HPS3: variants seen among roughly 807,000 people sequenced by gnomAD.
HPS3 encodes HPS3 biogenesis of lysosomal organelles complex 2 subunit 1, also known as BLOC-2 complex member HPS3.
In HPS3, 79 loss-of-function variants were observed where a neutral mutation model predicts 110.9. That is an observed-to-expected ratio of 0.71 (90% CI 0.59 to 0.86). HPS3 has a LOEUF of 0.86. Among genes scored for constraint, HPS3 ranks in the 40% least tolerant of loss-of-function variants. The pLI, the probability that HPS3 is intolerant of heterozygous loss-of-function variation, is 0.00. For synonymous variants in HPS3, 428 were observed against 451.0 expected (o/e 0.95, Z 0.65); for missense variants, 1,197 against 1,206.2 (o/e 0.99, Z 0.11).
intron 8 of HPS3, among the ~76,000 whole-genome samples, chr3:149,156,935 A>G (rs183110911): frequency 1.3e-5 from 2 of 152,322 alleles, no homozygotes; most frequent in African/African-American, 4.8e-5. Flanking sequence ...AAACTTACCA[A>G]TCAAAACTAA....
intron 4 of HPS3, among the ~76,000 whole-genome samples, chr3:149,142,975 A>C (rs1046390582): frequency 9.8e-5 from 15 of 152,292 alleles, no homozygotes; most frequent in African/African-American, 3.6e-4. Context: ...AGGGGAAGAG[A>C]GCCTTCCAGG....
At position 149,160,125 on chromosome 3, in the gene HPS3, T is replaced by C. The variant is rs1723697697; in HGVS notation, c.1952T>C (p.Met651Thr). ...CCCCATATTCTCTGTAGTCCTTCTA[T>C]GAAGAATATTAATCCTTTAACTGCC... ...QVPHILCSPS[M>T]KNINPLTAMS... The change falls in exon 11 of 17, where the codon ATG becomes ACG. Residue 651 changes from methionine to threonine, a missense_variant. Transcript: ENST00000296051. 1.2e-6 allele frequency: 2 copies of C among 1,613,900 alleles called. No individual in the cohort carries two copies. Among genetic ancestry groups the C allele is most frequent in the Admixed American group, 1.7e-5 (1 of 59,996 alleles).
At chr3:149,157,764 A>G (rs1386738160) in intron 9 of HPS3, among the ~76,000 whole-genome samples, 1 of 152,234 alleles carries the variant, frequency 6.6e-6, no homozygotes, top group Non-Finnish European at 1.5e-5. Flanking sequence ...TTAGAAGATG[A>G]GCAGTAAGTC....
chr3:149,138,705 A>G (rs938112969), intron 1 of HPS3, among the ~76,000 whole-genome samples: 4 of 152,238 alleles, frequency 2.6e-5, no homozygotes, highest in African/African-American at 4.8e-5. Flanking sequence ...CTACAGTGTC[A>G]TGATAAGAAA....
In HPS3 at chr3:149,141,095, A is replaced by G; in HGVS notation, c.791A>G (p.Lys264Arg). 1 of 1,613,996 alleles carries G rather than the reference A, an allele frequency of 6.2e-7. No individual in the cohort carries two copies. The highest frequency in any genetic ancestry group is 1.1e-5 in the South Asian group (1 of 91,074). ...CQKPLELLGE[K>R]SEQSGLSVTL... ...AAGCCCCTGGAACTTCTTGGTGAAA[A>G]AAGTGAACAGTCTGGATTATCTGTT... Residue 264 changes from lysine to arginine, a missense_variant, in exon 3 of 17, where the codon AAA becomes AGA. Physicochemically the swap from Lys to Arg is conservative, Grantham distance 26 (BLOSUM62 2). Transcript: ENST00000296051.
intron 10 of HPS3, among the ~76,000 whole-genome samples, chr3:149,159,263 A>T (rs906293184): frequency 6.6e-6 from 1 of 152,308 alleles, no homozygotes; most frequent in South Asian, 2.1e-4. Flanking sequence ...TAAAGACATT[A>T]TTAAGGATTA....
rs878859833 is a variant in HPS3, at chr3:149,172,012, G to T, written c.2888-83G>T. Reference sequence around the variant, plus strand: ...GAGCCACCACGCCTGGCCTGAACTGGCTTCTAATTGGTTGGTTAAGTAAGA... The same window carrying T: ...GAGCCACCACGCCTGGCCTGAACTGTCTTCTAATTGGTTGGTTAAGTAAGA... On this transcript the variant is annotated intron_variant, in intron 16 of 16. Coordinates refer to ENST00000296051, the MANE Select transcript of HPS3 (RefSeq NM_032383.5). 191 of 1,423,180 alleles carry T rather than the reference G, an allele frequency of 1.3e-4. No individual in the cohort carries two copies. In the South Asian group the frequency reaches 2.1e-3, roughly 16 times the overall value. The allele number at this position is 1,423,180 out of a possible 1,614,324, so 88.2% of individuals were successfully genotyped here.
chr3:149,144,152 G>A (rs1722645791), intron 4 of HPS3, among the ~76,000 whole-genome samples: 1 of 151,924 alleles, frequency 6.6e-6, no homozygotes, highest in South Asian at 2.1e-4. Flanking sequence ...TGAGGTGGGT[G>A]GATCACAAGG....
chr3:149,145,609 C>T, intron 5 of HPS3, 63 bp downstream of exon 5: 1 of 1,229,474 alleles, frequency 8.1e-7, no homozygotes, highest in Non-Finnish European at 1.2e-6. Flanking sequence ...TGAGGTACTT[C>T]CTAAATCTGT....
Position 149,153,641 on chromosome 3 carries a change from A to G in HPS3, c.1393A>G (p.Arg465Gly). The change falls in exon 7 of 17, where the codon AGG (arginine) becomes GGG (glycine). Residue 465 changes from arginine (R) to glycine (G), a missense_variant. Physicochemically the swap from Arg to Gly is moderately radical, Grantham distance 125 (BLOSUM62 -2). Coordinates refer to ENST00000296051, the MANE Select transcript of HPS3 (RefSeq NM_032383.5). ...TCCAGAGAGAAGACAGTCACCCAAG[A>G]GGCTTCTGTAAGCATCCCCTTGCCC... ...AIPERRQSPK[R>G]LLSRKDTSVK... The G allele has an allele frequency of 6.2e-7, 1 of 1,614,216 alleles. No homozygotes were observed. The highest frequency in any genetic ancestry group is 8.5e-7 in the Non-Finnish European group (1 of 1,180,016).
At chr3:149,156,125 C>T (rs1023013222) in intron 8 of HPS3, among the ~76,000 whole-genome samples, 7 of 152,164 alleles carry the variant, frequency 4.6e-5, no homozygotes, top group Admixed American at 4.6e-4. Flanking sequence ...CTATTTGCTT[C>T]TCTCTCTCTT....
At chr3:149,143,055 A>G (rs1307092296) in intron 4 of HPS3, among the ~76,000 whole-genome samples, 1 of 152,174 alleles carries the variant, frequency 6.6e-6, no homozygotes, top group African/African-American at 2.4e-5. Context: ...AGCAAAACTA[A>G]GGGGGCTGCA....
Position 149,162,840 on chromosome 3 carries a change from C to T in HPS3, c.2443C>T (p.Pro815Ser), listed in dbSNP as rs1429446149. ...QYIWRLSKRQ[P>S]PDTTPLRTSE... is the part of the protein sequence containing the mutation. ...CATCTGGAGATTGTCTAAGAGGCAG[C>T]CTCCTGACACCACACCATTGCGAAC... Residue 815 changes from proline to serine, a missense_variant, in exon 13 of 17, where the codon CCT becomes TCT. Transcript: ENST00000296051. 6.2e-7 allele frequency: 1 copy of T among 1,613,928 alleles called. No individual in the cohort carries two copies. The highest frequency in any genetic ancestry group is 1.7e-5 in the Admixed American group (1 of 59,982).
In HPS3 at chr3:149,151,613, AAAAG is replaced by A. The variant is rs757875063; in HGVS notation, c.1245+934_1245+937del. 2.1e-3 allele frequency among the ~76,000 whole-genome samples: 309 copies of A among 147,464 alleles called. 9 individuals are homozygous for A. The highest frequency in any genetic ancestry group is 0.018 in the South Asian group (84 of 4,586). On this transcript the variant is annotated intron_variant, in intron 6 of 16. Coordinates refer to ENST00000296051, the MANE Select transcript of HPS3 (RefSeq NM_032383.5). ...AAAAAAAAAAAAAAAAAAAAAAAAA[AAAAG>A]CCTCTTGACCACAGAATAAATGTAG...
intron 4 of HPS3, among the ~76,000 whole-genome samples, chr3:149,143,525 A>G (rs1722610257): frequency 6.6e-6 from 1 of 152,192 alleles, no homozygotes; most frequent in Non-Finnish European, 1.5e-5. Context: ...TGTTTTGAAC[A>G]CTGTTGTATC....
Position 149,157,590 on chromosome 3 carries a change from G to A in HPS3, c.1691+59G>A. On this transcript the variant is annotated intron_variant, in intron 9 of 16. Coordinates refer to ENST00000296051, the MANE Select transcript of HPS3 (RefSeq NM_032383.5). ...GTCATCTTGAACTTTGGGTACACTT[G>A]TTAGCTTTTCCATCTCTGGTAGTTA... 5.3e-6 allele frequency: 8 copies of A among 1,497,822 alleles called. No individual in the cohort carries two copies. The South Asian group carries it at 9.1e-5, about 17-fold the overall frequency. The allele number at this position is 1,497,822 out of a possible 1,614,324, so 92.8% of individuals were successfully genotyped here. A position where few individuals can be genotyped will look rare whatever the true frequency, so the allele number is the denominator to read the frequency against.
chr3:149,163,359 T>A (rs1724081620), intron 13 of HPS3, among the ~76,000 whole-genome samples: 1 of 151,622 alleles, frequency 6.6e-6, no homozygotes, highest in South Asian at 2.1e-4. Context: ...AACAACTCTT[T>A]CTACCCTTCT....
rs932431947 is a variant in HPS3 at position 149,172,086 on chromosome 3, T to C, written c.2888-9T>C. ...TTCAATTCTAATTCAGATATTCTTT[T>C]CTACACAGAAACATTGTCAATTGTT... is the stretch of plus-strand genomic sequence containing the variant. On this transcript the variant is annotated splice_polypyrimidine_tract_variant and intron_variant, in intron 16 of 16. Transcript: ENST00000296051. 6.2e-7 allele frequency: 1 copy of C among 1,612,180 alleles called. No individual in the cohort carries two copies. The highest frequency in any genetic ancestry group is 2.2e-5 in the East Asian group (1 of 44,838).
intron 1 of HPS3, among the ~76,000 whole-genome samples, chr3:149,130,988 G>C (rs539775693): frequency 6.6e-5 from 10 of 152,010 alleles, no homozygotes; most frequent in Non-Finnish European, 1.2e-4. Context: ...CAGTATTTAC[G>C]TTGCAAAAGC....
Sources: allele counts gnomAD v4.1 joint callset (sites outside exome capture counted in the v4.1 genomes callset), GRCh38; gene constraint gnomAD v4.1.1; transcripts MANE v1.5; gene names NCBI Gene and HGNC (gene_info 2026-07-23, HGNC 2026-07-21).